USP25: variants seen among roughly 807,000 people sequenced by gnomAD.
The protein encoded by USP25 is ubiquitin specific peptidase 25.
USP25 carries 85 observed loss-of-function variants against 158.5 expected under a neutral mutation model. The ratio of observed to expected loss-of-function variants is 0.54; its 90% CI spans 0.45 to 0.64. The LOEUF is 0.64. Ranked by LOEUF, USP25 falls within the 30% of genes least tolerant of loss-of-function variation. USP25 has a pLI of 0.00. For synonymous variants in USP25, 464 were observed against 460.4 expected (o/e 1.01, Z -0.10); for missense variants, 1,242 against 1,327.3 (o/e 0.94, Z 1.00).
intron 14 of USP25, among the ~76,000 whole-genome samples, chr21:15,828,557 A>G (rs1444016923): frequency 2.6e-5 from 4 of 152,234 alleles, no homozygotes; most frequent in Non-Finnish European, 4.4e-5. Context: ...TGTATTTTGG[A>G]AAAAAGGTAA....
chr21:15,836,258 T>A (rs896279504), intron 17 of USP25, among the ~76,000 whole-genome samples: 1 of 152,252 alleles, frequency 6.6e-6, no homozygotes, highest in African/African-American at 2.4e-5. Context: ...TACTGAGTGA[T>A]ATTCCAATTA....
intron 24 of USP25, chr21:15,877,195 A>G (rs1411207687): frequency 1.3e-5 from 2 of 152,238 alleles, no homozygotes; most frequent in Non-Finnish European, 2.9e-5. Flanking sequence ...CTGGCCCTTC[A>G]CAGAAAAAGT....
At chr21:15,738,506 GATA>G (rs1311815832) in intron 1 of USP25, among the ~76,000 whole-genome samples, 1 of 152,136 alleles carries the variant, frequency 6.6e-6, no homozygotes, top group Non-Finnish European at 1.5e-5. Flanking sequence ...TCAGGTAGTT[GATA>G]ATTTCTGATA....
At chr21:15,811,730 A>G (rs913185429) in intron 9 of USP25, among the ~76,000 whole-genome samples, 1 of 152,206 alleles carries the variant, frequency 6.6e-6, no homozygotes, top group African/African-American at 2.4e-5. Context: ...ATTTAAGCTA[A>G]ATACCTGTTT....
At chr21:15,813,765 T>A (rs933860593) in intron 9 of USP25, among the ~76,000 whole-genome samples, 21 of 151,258 alleles carry the variant, frequency 1.4e-4, no homozygotes, top group African/African-American at 4.8e-4. Context: ...AAGAGAGGAG[T>A]TAGTTTCAAC....
chr21:15,777,661 TCTTC>T (rs2123500211), intron 3 of USP25, among the ~76,000 whole-genome samples: 1 of 152,302 alleles, frequency 6.6e-6, no homozygotes, highest in South Asian at 2.1e-4. Context: ...ATACAGAGAT[TCTTC>T]TACAGTGAAA....
At chr21:15,837,835 C>T (rs1197797430) in intron 17 of USP25, among the ~76,000 whole-genome samples, 2 of 152,138 alleles carry the variant, frequency 1.3e-5, no homozygotes, top group African/African-American at 2.4e-5. Context: ...TAAAAATAAG[C>T]TGATGTTCCA....
At chr21:15,850,475 T>A (rs2038834907) in intron 20 of USP25, among the ~76,000 whole-genome samples, 1 of 151,972 alleles carries the variant, frequency 6.6e-6, no homozygotes, top group African/African-American at 2.4e-5. Flanking sequence ...GATTACAATT[T>A]TTTCCTTTTA....
At chr21:15,748,425 G>T (rs919604684) in intron 1 of USP25, among the ~76,000 whole-genome samples, 1 of 149,590 alleles carries the variant, frequency 6.7e-6, no homozygotes, top group African/African-American at 2.5e-5. Flanking sequence ...GGGACTACAG[G>T]TGTGTACCAT....
Position 15,730,411 on chromosome 21 carries a change from C to G in USP25, c.18C>G (p.Asn6Lys). 9 of 1,346,860 alleles carry G rather than the reference C, an allele frequency of 6.7e-6. No individual in the cohort carries two copies. Among genetic ancestry groups the G allele is most frequent in the Non-Finnish European group, 8.6e-6 (9 of 1,040,978 alleles). 83.4% of individuals were successfully genotyped at this position (1,346,860 alleles called of 1,614,324 possible). A position where few individuals can be genotyped will look rare whatever the true frequency, so the allele number is the denominator to read the frequency against. The change falls in exon 1 of 26, where the codon AAC (asparagine) becomes AAG (lysine). Residue 6 changes from asparagine to lysine, a missense_variant. Coordinates refer to ENST00000400183, the MANE Select transcript of USP25 (RefSeq NM_001283041.3). Reference protein sequence around the residue: MTVEQNVLQQSAAQKH... With the variant: MTVEQKVLQQSAAQKH... Reference sequence around the variant, plus strand: ...CGGGGGCCATGACCGTGGAGCAGAACGTGCTGCAGCAGAGCGCGGCGCAGA... The same window carrying G: ...CGGGGGCCATGACCGTGGAGCAGAAGGTGCTGCAGCAGAGCGCGGCGCAGA...
intron 21 of USP25, among the ~76,000 whole-genome samples, chr21:15,864,663 A>G (rs570366306): frequency 1.8e-4 from 28 of 152,282 alleles, no homozygotes; most frequent in South Asian, 1.4e-3. Context: ...ATAAATTTTA[A>G]TTGTGAATCA....
At chr21:15,809,472 C>A (rs1402435430) in intron 8 of USP25, among the ~76,000 whole-genome samples, 1 of 152,082 alleles carries the variant, frequency 6.6e-6, no homozygotes, top group Admixed American at 6.6e-5. Context: ...AAACACCCCC[C>A]CCAACCCCTA....
intron 20 of USP25, among the ~76,000 whole-genome samples, chr21:15,859,789 T>A (rs2039335549): frequency 6.6e-6 from 1 of 151,888 alleles, no homozygotes; most frequent in Non-Finnish European, 1.5e-5. Context: ...TTTTCTGTAT[T>A]ATCACCTTTC....
At chr21:15,746,531 A>C (rs1005535790) in intron 1 of USP25, among the ~76,000 whole-genome samples, 20 of 152,060 alleles carry the variant, frequency 1.3e-4, no homozygotes, top group African/African-American at 4.8e-4. Flanking sequence ...AGTAGCTGGG[A>C]CTACAGGTGT....
intron 4 of USP25, among the ~76,000 whole-genome samples, chr21:15,782,499 C>G (rs754016565): frequency 6.6e-6 from 1 of 152,206 alleles, no homozygotes; most frequent in Non-Finnish European, 1.5e-5. Flanking sequence ...TCAGGAGAGA[C>G]AGTCGTACAA....
intron 14 of USP25, among the ~76,000 whole-genome samples, chr21:15,830,152 G>T (rs763106838): frequency 2.6e-5 from 4 of 152,080 alleles, no homozygotes; most frequent in Non-Finnish European, 5.9e-5. Context: ...AGTTATGTGT[G>T]TGTACAAGAT....
chr21:15,825,068 T>C lies in USP25; in HGVS notation c.1304+7T>C. On this transcript the variant is annotated splice_region_variant and intron_variant, in intron 12 of 25. Transcript: ENST00000400183. ...TACAACAAAGGCTAGAAAGGTATTT[T>C]AACTTTTATGAAATTAGGAGATAAT... 6.3e-7 allele frequency: 1 copy of C among 1,576,438 alleles called. No individual in the cohort carries two copies. The highest frequency in any genetic ancestry group is 8.6e-7 in the Non-Finnish European group (1 of 1,161,016).
At chr21:15,873,565 G>A (rs1025607494) in intron 23 of USP25, among the ~76,000 whole-genome samples, 1 of 151,538 alleles carries the variant, frequency 6.6e-6, no homozygotes, top group African/African-American at 2.4e-5. Context: ...GCAGTGGCGT[G>A]ATCTCAGCTC....
chr21:15,803,048 A>G (rs1249706112), intron 6 of USP25, among the ~76,000 whole-genome samples: 2 of 151,700 alleles, frequency 1.3e-5, no homozygotes, highest in Non-Finnish European at 1.5e-5. Flanking sequence ...TGAAAGTCAC[A>G]AGCTATCAAA....
Sources: gnomAD v4.1 joint callset for allele counts (sites outside exome capture counted in the v4.1 genomes callset) on GRCh38, gnomAD v4.1.1 for gene constraint, MANE v1.5 for transcripts, NCBI Gene and HGNC (gene_info 2026-07-23, HGNC 2026-07-21) for gene names.